Variants in SBNO2 observed in about 807,000 individuals in gnomAD.
SBNO2 encodes the protein strawberry notch homolog 2, also known as protein strawberry notch homolog 2.
In SBNO2, 89 loss-of-function variants were observed where a neutral mutation model predicts 146.3. That is an observed-to-expected ratio of 0.61 (90% CI 0.51 to 0.73). SBNO2 has a LOEUF of 0.73. Ranked by LOEUF, SBNO2 falls within the 30% of genes least tolerant of loss-of-function variation. The pLI is 0.00. For missense variants in SBNO2, 2,092 were observed against 2,003.7 expected, an observed-to-expected ratio of 1.04 and a Z score of -0.84; for synonymous variants, 1,147 against 892.6, an observed-to-expected ratio of 1.29 and a Z score of -5.08.
intron 5 of SBNO2, among the ~76,000 whole-genome samples, chr19:1,125,288 G>A (rs2145233595): frequency 6.6e-6 from 1 of 150,850 alleles, no homozygotes; most frequent in Middle Eastern, 3.4e-3. Flanking sequence ...AAACCCAGGA[G>A]GCAGAGGTTG....
intron 6 of SBNO2, 143 bp downstream of exon 6, chr19:1,123,799 C>T (rs2079933484): frequency 9.4e-7 from 1 of 1,059,018 alleles, no homozygotes; most frequent in African/African-American, 1.6e-5. Context: ...CCCCCAGGGC[C>T]TCCATCTCCT....
At position 1,144,127 on chromosome 19, in the gene SBNO2, G is replaced by A. The variant is rs1227918660; in HGVS notation, c.279+3182C>T. Among the ~76,000 whole-genome samples, 2 of 152,122 alleles carry A rather than the reference G, an allele frequency of 1.3e-5. No homozygotes were observed. Among genetic ancestry groups the A allele is most frequent in the Non-Finnish European group, 2.9e-5 (2 of 68,020 alleles). ...GCGGCCCAGCCCACAGGCCTGGGCT[G>A]ACTCATACCCGTCCCGTCCCACACT... On this transcript the variant is annotated intron_variant, in intron 4 of 31. Transcript: ENST00000361757. This position sits in a 1 kb window ranked among gnomAD's most constrained non-coding sequence, Gnocchi z 4.1.
At chr19:1,121,629 G>A (rs1209475237) in intron 11 of SBNO2, among the ~76,000 whole-genome samples, 1 of 151,844 alleles carries the variant, frequency 6.6e-6, no homozygotes, top group African/African-American at 2.4e-5. Flanking sequence ...CTCCTGTGGG[G>A]GAGCCCCTCC....
rs1444229826 is a variant in SBNO2 at position 1,119,808 on chromosome 19, A to G, written c.1267+98T>C. The G allele has an allele frequency of 3.9e-6, 4 of 1,027,000 alleles. No homozygotes were observed. The East Asian group carries it at 1.0e-4, about 27-fold the overall frequency. 63.6% of individuals were successfully genotyped at this position (1,027,000 alleles called of 1,614,324 possible). On this transcript the variant is annotated intron_variant, in intron 12 of 31. Transcript: ENST00000361757. The stretch of plus-strand genomic sequence containing the variant: ...GTGTCCGAGGAGGAGCAGGGTGCAG[A>G]CGGAGGCTGAGTACGCGTGTGGGAT...
At position 1,122,740 on chromosome 19, in the gene SBNO2, C is replaced by T. The variant is rs761483743; in HGVS notation, c.832G>A (p.Asp278Asn). The T allele has an allele frequency of 2.0e-6, 3 of 1,537,366 alleles. No individual in the cohort carries two copies. Among genetic ancestry groups the T allele is most frequent in the East Asian group, 2.4e-5 (1 of 40,942 alleles). ...SGQRAGFLIG[D>N]GAGVGKGRTV... ...CGGCCTTTGCCCACGCCGGCCCCAT[C>T]GCCGATGAGAAAGCCCGCGCGCTGC... The change falls in exon 9 of 32, where the codon GAT becomes AAT. Residue 278 changes from aspartate to asparagine, a missense_variant. Physicochemically the swap from Asp to Asn is conservative, Grantham distance 23. Transcript: ENST00000361757.
intron 4 of SBNO2, among the ~76,000 whole-genome samples, chr19:1,142,182 T>TGACCTCCTTCCCCAA (rs2080146254): frequency 4.1e-3 from 6 of 1,452 alleles, no homozygotes; most frequent in African/African-American, 9.8e-3. Flanking sequence ...TCCCTCCCCA[T>TGACCTCCTTCCCCAA]GATCAACCCT....
chr19:1,114,017 CCT>C (rs2079800878), intron 18 of SBNO2, among the ~76,000 whole-genome samples: 1 of 152,240 alleles, frequency 6.6e-6, no homozygotes, highest in Non-Finnish European at 1.5e-5. Context: ...CCTGACCTCC[CCT>C]CTCTGGGCCT....
chr19:1,148,422 C>G lies in SBNO2; in HGVS notation c.167+947G>C, dbSNP rs372345727. ...GCTCGCCTGGCCAACTCCTACCCCCCCTGCAGAACCCAGCCCAGCTGCTGC... is the reference window on the plus strand; with the variant it reads ...GCTCGCCTGGCCAACTCCTACCCCCGCTGCAGAACCCAGCCCAGCTGCTGC... On this transcript the variant is annotated intron_variant, in intron 3 of 31. Transcript: ENST00000361757. Among the ~76,000 whole-genome samples, 707 of 151,822 alleles carry G rather than the reference C, an allele frequency of 4.7e-3. 2 individuals carry two copies. Among genetic ancestry groups the G allele is most frequent in the Middle Eastern group, 0.01 (3 of 292 alleles).
At chr19:1,154,117 G>A (rs2080266882) in intron 2 of SBNO2, 67 bp downstream of exon 2, 1 of 759,400 alleles carries the variant, frequency 1.3e-6, no homozygotes, top group Non-Finnish European at 1.8e-6. Flanking sequence ...CGTGACCCCG[G>A]GCACTCGGAG....
Position 1,173,548 on chromosome 19 carries a change from G to A in SBNO2, c.-127+624C>T, listed in dbSNP as rs1375345550. 2.0e-5 allele frequency among the ~76,000 whole-genome samples: 3 copies of A among 152,098 alleles called. No individual in the cohort carries two copies. The highest frequency in any genetic ancestry group is 2.9e-5 in the Non-Finnish European group (2 of 68,032). Reference sequence around the variant, plus strand: ...GAGGGAGACAGGGCTGCGCTGCGGGGCCGAGAAGGCAAGGGTCCTGGGACC... The same window carrying A: ...GAGGGAGACAGGGCTGCGCTGCGGGACCGAGAAGGCAAGGGTCCTGGGACC... On this transcript the variant is annotated intron_variant, in intron 1 of 31. Transcript: ENST00000361757. The surrounding 1 kb of genome is among the most constrained non-coding windows in gnomAD (Gnocchi z 4.7).
rs554114313 is a variant in SBNO2 at position 1,151,810 on chromosome 19, C to T, written c.94-2368G>A. ...CATGCGTAGCTGGGATTACAGGCGC[C>T]CGCCACCACGCCCAGCTAACTTTTG... On this transcript the variant is annotated intron_variant, in intron 2 of 31. Coordinates refer to ENST00000361757, the MANE Select transcript of SBNO2 (RefSeq NM_014963.3). Among the ~76,000 whole-genome samples the T allele has an allele frequency of 5.1e-4, 77 of 152,298 alleles. 1 individual carries two copies. Among genetic ancestry groups the T allele is most frequent in the African/African-American group, 1.6e-3 (66 of 41,570 alleles).
intron 1 of SBNO2, among the ~76,000 whole-genome samples, chr19:1,167,880 C>T (rs1272012392): frequency 6.6e-6 from 1 of 152,170 alleles, no homozygotes; most frequent in Non-Finnish European, 1.5e-5. Flanking sequence ...GGAGCAGGCT[C>T]CGGGGACACG....
intron 1 of SBNO2, among the ~76,000 whole-genome samples, chr19:1,171,284 G>A (rs1007139918): frequency 1.3e-5 from 2 of 151,790 alleles, no homozygotes; most frequent in Non-Finnish European, 2.9e-5. Context: ...ACGTCCGTAC[G>A]ACGCACACAC....
chr19:1,125,881 C>G (rs952966139), intron 5 of SBNO2, among the ~76,000 whole-genome samples: 3 of 152,016 alleles, frequency 2.0e-5, no homozygotes, highest in Non-Finnish European at 2.9e-5. Flanking sequence ...ATGGACCCAG[C>G]TACTCGAGAG....
At position 1,123,616 on chromosome 19, in the gene SBNO2, T is replaced by A; in HGVS notation, c.546A>T (p.Pro182=). The change falls in exon 7 of 32, where the codon CCA becomes CCT. Residue 182 remains proline (P), a synonymous_variant. Transcript: ENST00000361757. The part of the protein sequence containing the change: ...SYQEQSVQSQ[P]EEEDEAEEEE... ...CCTCCTCAGCCTCGTCCTCCTCCTC[T>A]GGCTGGCTCTGCACACTCTGCTCCT... is the stretch of plus-strand genomic sequence containing the variant. The A allele has an allele frequency of 1.9e-6, 3 of 1,613,064 alleles. No homozygotes were observed. The highest frequency in any genetic ancestry group is 2.5e-6 in the Non-Finnish European group (3 of 1,179,680).
At position 1,158,340 on chromosome 19, in the gene SBNO2, C is replaced by T. The variant is rs374300351; in HGVS notation, c.-126-3938G>A. On this transcript the variant is annotated intron_variant, in intron 1 of 31. Coordinates refer to ENST00000361757, the MANE Select transcript of SBNO2 (RefSeq NM_014963.3). The surrounding 1 kb of genome is among the most constrained non-coding windows in gnomAD (Gnocchi z 9.9). ...TCTCGCCGAGCAGGGTTGTGACCCC[C>T]GCACTTTCGGATGTGGACACGGAGG... Among the ~76,000 whole-genome samples the T allele has an allele frequency of 2.0e-5, 3 of 152,194 alleles. No homozygotes were observed. The highest frequency in any genetic ancestry group is 2.9e-5 in the Non-Finnish European group (2 of 68,032).
intron 1 of SBNO2, among the ~76,000 whole-genome samples, chr19:1,165,680 C>CT (rs2080408339): frequency 1.2e-5 from 1 of 81,580 alleles, no homozygotes; most frequent in African/African-American, 3.2e-5. Flanking sequence ...ACCCCAGTAC[C>CT]CAGACCCCAG....
rs2080303150 is a variant in SBNO2, at chr19:1,157,518, G to C, written c.-126-3116C>G. On this transcript the variant is annotated intron_variant, in intron 1 of 31. Coordinates refer to ENST00000361757, the MANE Select transcript of SBNO2 (RefSeq NM_014963.3). This position sits in a 1 kb window ranked among gnomAD's most constrained non-coding sequence, Gnocchi z 6.8. Reference sequence around the variant, plus strand: ...GGCAGCAGAGCGTGTCCCCTGCCTGGTTTTATTTTTGGGCGCGAGTCCCAT... The same window carrying C: ...GGCAGCAGAGCGTGTCCCCTGCCTGCTTTTATTTTTGGGCGCGAGTCCCAT... Among the ~76,000 whole-genome samples the C allele has an allele frequency of 1.4e-5, 2 of 140,576 alleles. 1 individual carries two copies. Among genetic ancestry groups the C allele is most frequent in the South Asian group, 5.3e-4 (2 of 3,780 alleles). The allele number at this position is 140,576 out of a possible 152,430, so 92.2% of individuals were successfully genotyped here.
rs2079770645 is a variant in SBNO2, at chr19:1,112,168, G to GCCCCAC, written c.2628+15_2628+20dup. 1 of 1,584,494 alleles carries GCCCCAC rather than the reference G, an allele frequency of 6.3e-7. No homozygotes were observed. Among genetic ancestry groups the GCCCCAC allele is most frequent in the Non-Finnish European group, 8.6e-7 (1 of 1,165,204 alleles). On this transcript the variant is annotated intron_variant, in intron 22 of 31. Coordinates refer to ENST00000361757, the MANE Select transcript of SBNO2 (RefSeq NM_014963.3). This position sits in a 1 kb window ranked among gnomAD's most constrained non-coding sequence, Gnocchi z 5.9. Reference sequence around the variant, plus strand: ...TTCCTGGGCCTGTCCCTGGTTCTCAGCCCCACCCCCACCTGCTCACCAGAC... The same window carrying GCCCCAC: ...TTCCTGGGCCTGTCCCTGGTTCTCAGCCCCACCCCCACCCCCACCTGCTCACCAGAC...
Sources: allele counts gnomAD v4.1 joint callset (sites outside exome capture counted in the v4.1 genomes callset), GRCh38; gene constraint gnomAD v4.1.1; non-coding constraint Gnocchi (gnomAD v3.1); transcripts MANE v1.5; gene names NCBI Gene and HGNC (gene_info 2026-07-23, HGNC 2026-07-21).